EDIL3: variants seen among roughly 807,000 people sequenced by gnomAD.
The protein encoded by EDIL3 is EGF-like repeat and discoidin I-like domain-containing protein 3.
Under a neutral mutation model 67.4 loss-of-function variants are expected in EDIL3, and 37 were observed. That is an observed-to-expected ratio of 0.55 (90% CI 0.42 to 0.72). The LOEUF is 0.72. EDIL3 is among the 30% of genes least tolerant of loss of function. The probability of loss-of-function intolerance (pLI) is 0.00; values close to 1 mark genes in which losing one functional copy is unlikely to be tolerated. For synonymous variants in EDIL3, 195 were observed against 196.3 expected (o/e 0.99, Z 0.05); for missense variants, 527 against 586.3 (o/e 0.90, Z 1.04).
intron 1 of EDIL3, among the ~76,000 whole-genome samples, chr5:84,267,657 C>T (rs894838412): frequency 3.9e-5 from 6 of 152,036 alleles, no homozygotes. Flanking sequence ...TGTTTCAAAG[C>T]AGGTTCAATA....
At chr5:84,182,395 G>T (rs1453430206) in intron 3 of EDIL3, among the ~76,000 whole-genome samples, 2 of 151,882 alleles carry the variant, frequency 1.3e-5, no homozygotes, top group Non-Finnish European at 2.9e-5. Context: ...GGTTGAGGCT[G>T]CAGTGAGTTA....
chr5:84,161,832 T>C (rs1748618552), intron 4 of EDIL3, among the ~76,000 whole-genome samples: 1 of 152,120 alleles, frequency 6.6e-6, no homozygotes, highest in Non-Finnish European at 1.5e-5. Context: ...AAAGTTATCA[T>C]AAGGCTAATA....
At chr5:84,372,190 T>G (rs1170193281) in intron 1 of EDIL3, among the ~76,000 whole-genome samples, 1 of 151,852 alleles carries the variant, frequency 6.6e-6, no homozygotes, top group Non-Finnish European at 1.5e-5. Context: ...GGATTCCAAA[T>G]GAAACAACTA....
intron 6 of EDIL3, among the ~76,000 whole-genome samples, chr5:84,073,357 A>C (rs1019555530): frequency 9.9e-5 from 15 of 152,218 alleles, no homozygotes; most frequent in East Asian, 3.9e-4. Context: ...GGCAATTAGG[A>C]AGGAGAAGGA....
chr5:84,348,604 A>C (rs1747283265), intron 1 of EDIL3, among the ~76,000 whole-genome samples: 1 of 152,018 alleles, frequency 6.6e-6, no homozygotes, highest in Non-Finnish European at 1.5e-5. Context: ...AAAAAAAAAA[A>C]AAAACACCTG....
intron 1 of EDIL3, among the ~76,000 whole-genome samples, chr5:84,257,381 G>C (rs1745140702): frequency 6.6e-6 from 1 of 152,092 alleles, no homozygotes; most frequent in Non-Finnish European, 1.5e-5. Flanking sequence ...TCTTCTCCTT[G>C]TAATTTTTGT....
intron 1 of EDIL3, among the ~76,000 whole-genome samples, chr5:84,299,766 A>G (rs1746121029): frequency 1.3e-5 from 2 of 152,162 alleles, no homozygotes; most frequent in Admixed American, 6.5e-5. Context: ...ATGTATGTAT[A>G]ACCTCTATTT....
chr5:84,297,837 G>A (rs1164427107), intron 1 of EDIL3, among the ~76,000 whole-genome samples: 1 of 152,144 alleles, frequency 6.6e-6, no homozygotes, highest in African/African-American at 2.4e-5. Flanking sequence ...TCCTGGGAGA[G>A]CAAGAAACAA....
chr5:84,063,664 G>A (rs1418836326), intron 8 of EDIL3, among the ~76,000 whole-genome samples: 1 of 152,068 alleles, frequency 6.6e-6, no homozygotes, highest in Non-Finnish European at 1.5e-5. Context: ...TATAAAGTAT[G>A]CGCTTTAACC....
chr5:84,171,574 G>A (rs1322364719), intron 4 of EDIL3, among the ~76,000 whole-genome samples: 3 of 152,180 alleles, frequency 2.0e-5, no homozygotes, highest in Admixed American at 1.3e-4. Context: ...ATCATTTTGG[G>A]GTTCTTGTTA....
At chr5:84,092,775 T>C (rs1373391269) in intron 6 of EDIL3, among the ~76,000 whole-genome samples, 2 of 142,180 alleles carry the variant, frequency 1.4e-5, no homozygotes, top group Non-Finnish European at 3.0e-5. Flanking sequence ...ATCAAACATT[T>C]ATTCTTTTAA....
intron 1 of EDIL3, among the ~76,000 whole-genome samples, chr5:84,341,065 T>G (rs924824284): frequency 1.6e-4 from 24 of 152,020 alleles, no homozygotes; most frequent in African/African-American, 5.8e-4. Context: ...GTCTATGCTC[T>G]CAAATCATCC....
chr5:83,980,715 CATAA>C (rs1744956199), intron 9 of EDIL3, among the ~76,000 whole-genome samples: 5 of 146,622 alleles, frequency 3.4e-5, no homozygotes, highest in African/African-American at 1.2e-4. Flanking sequence ...ATAATAAATA[CATAA>C]ATAAAAATTA....
intron 3 of EDIL3, among the ~76,000 whole-genome samples, chr5:84,221,271 TC>T (rs1744335808): frequency 6.6e-6 from 1 of 152,106 alleles, no homozygotes; most frequent in African/African-American, 2.4e-5. Context: ...GATTTTACAG[TC>T]TGGGGGCAAG....
intron 1 of EDIL3, among the ~76,000 whole-genome samples, chr5:84,304,981 A>C (rs1457393630): frequency 6.6e-6 from 1 of 152,228 alleles, no homozygotes; most frequent in South Asian, 2.1e-4. Context: ...AGTTATTTTA[A>C]TGTGATTTAT....
intron 9 of EDIL3, among the ~76,000 whole-genome samples, chr5:84,010,797 A>G (rs189479311): frequency 1.1e-4 from 17 of 152,302 alleles, no homozygotes; most frequent in Admixed American, 7.2e-4. Context: ...CAGGCAGTTC[A>G]CACGTATGTT....
At chr5:84,282,118 A>G (rs1745717848) in intron 1 of EDIL3, among the ~76,000 whole-genome samples, 1 of 150,752 alleles carries the variant, frequency 6.6e-6, no homozygotes, top group South Asian at 2.1e-4. Context: ...TGATTTGTCC[A>G]CCTCAGCCTC....
chr5:84,376,722 A>G (rs1438853346), intron 1 of EDIL3, among the ~76,000 whole-genome samples: 1 of 152,208 alleles, frequency 6.6e-6, no homozygotes, highest in East Asian at 1.9e-4. Context: ...TTTACAGGCA[A>G]ACTGATGGGG....
At chr5:84,229,950 G>T in intron 2 of EDIL3, 66 bp from the exon 3 acceptor site, 1 of 1,345,418 alleles carries the variant, frequency 7.4e-7, no homozygotes, top group Non-Finnish European at 1.0e-6. Context: ...AGGGGGGAGA[G>T]AGAAAGAAAG....
Sources: allele counts gnomAD v4.1 joint callset (sites outside exome capture counted in the v4.1 genomes callset), GRCh38; gene constraint gnomAD v4.1.1; transcripts MANE v1.5; gene names NCBI Gene and HGNC (gene_info 2026-07-23, HGNC 2026-07-21).